The following HELLS variants were observed in gnomAD, a reference collection of about 807,000 sequenced individuals.
The protein encoded by HELLS is helicase, lymphoid specific, also known as lymphoid-specific helicase.
A neutral mutation model predicts 120.0 loss-of-function variants in HELLS; 32 were observed. The observed-to-expected ratio is 0.27, with a 90% CI of 0.20 to 0.36. The LOEUF is 0.36. HELLS is among the 10% of genes least tolerant of loss of function. HELLS has a pLI of 1.00. For missense variants in HELLS, 650 were observed against 993.4 expected, an observed-to-expected ratio of 0.65 and a Z score of 4.65; for synonymous variants, 341 against 323.4, an observed-to-expected ratio of 1.05 and a Z score of -0.58.
intron 10 of HELLS, among the ~76,000 whole-genome samples, chr10:94,580,152 T>C: frequency 2.0e-5 from 1 of 51,188 alleles, no homozygotes; most frequent in East Asian, 4.7e-4. Context: ...TATATATATA[T>C]ATATATATAT....
chr10:94,574,466 G>A (rs1038112828), intron 8 of HELLS, 88 bp from the exon 9 acceptor site: 5 of 1,011,862 alleles, frequency 4.9e-6, no homozygotes, highest in South Asian at 4.6e-5. Context: ...ATCTTTGGGT[G>A]TGATTTTTTA....
chr10:94,583,671 T>G (rs1269256189), intron 12 of HELLS, among the ~76,000 whole-genome samples: 1 of 152,172 alleles, frequency 6.6e-6, no homozygotes, highest in African/African-American at 2.4e-5. Flanking sequence ...GATTATGTTG[T>G]GTTATATGAC....
chr10:94,567,851 G>T (rs546424001), intron 6 of HELLS, among the ~76,000 whole-genome samples: 4 of 151,924 alleles, frequency 2.6e-5, no homozygotes, highest in African/African-American at 9.7e-5. Flanking sequence ...GAAGGCTGCA[G>T]TGAGGTGAGA....
intron 19 of HELLS, 84 bp downstream of exon 19, chr10:94,594,938 T>A: frequency 9.3e-7 from 1 of 1,069,736 alleles, no homozygotes; most frequent in Non-Finnish European, 1.3e-6. Flanking sequence ...TTATAAAATA[T>A]TACAGCCTGG....
chr10:94,552,363 A>G (rs1843025961), intron 2 of HELLS, among the ~76,000 whole-genome samples: 1 of 152,248 alleles, frequency 6.6e-6, no homozygotes, highest in Admixed American at 6.5e-5. Context: ...TGCTTAAAGC[A>G]GGAACTTCTA....
intron 10 of HELLS, 24 bp from the exon 11 acceptor site, chr10:94,581,302 C>T: frequency 7.0e-7 from 1 of 1,420,644 alleles, no homozygotes; most frequent in Non-Finnish European, 9.5e-7. Context: ...GTTTAAAAAT[C>T]TTTTTCCTCA....
intron 10 of HELLS, among the ~76,000 whole-genome samples, chr10:94,579,448 G>A (rs989753820): frequency 1.3e-5 from 2 of 151,746 alleles, no homozygotes; most frequent in Non-Finnish European, 2.9e-5. Flanking sequence ...TGATCCGCCC[G>A]CCTCAGCCTC....
At chr10:94,584,065 T>C in intron 12 of HELLS, 1 of 1,369,638 alleles carries the variant, frequency 7.3e-7, no homozygotes, top group Non-Finnish European at 9.9e-7. Context: ...CCAGAAAAGA[T>C]TTATATGATA....
chr10:94,590,881 C>T, intron 15 of HELLS, 105 bp downstream of exon 15: 1 of 615,186 alleles, frequency 1.6e-6, no homozygotes, highest in Non-Finnish European at 2.6e-6. Flanking sequence ...AAGTATGGTG[C>T]TATTTGTCAT....
At chr10:94,575,767 GTGTTTGTGTGT>G (rs1844429663) in intron 9 of HELLS, among the ~76,000 whole-genome samples, 1 of 95,400 alleles carries the variant, frequency 1.0e-5, no homozygotes, top group African/African-American at 4.2e-5. Flanking sequence ...GGGGGGGGTT[GTGTTTGTGTGT>G]GTGTGTGTGT....
chr10:94,608,393 A>G (rs1161707248), intron 9 of HELLS, among the ~76,000 whole-genome samples: 3 of 152,154 alleles, frequency 2.0e-5, no homozygotes, highest in East Asian at 3.9e-4. Flanking sequence ...AAATTCTTCT[A>G]TATCCTTCAC....
downstream of HELLS, among the ~76,000 whole-genome samples, chr10:94,604,783 G>A (rs959493702): frequency 2.6e-5 from 4 of 151,632 alleles, no homozygotes; most frequent in Admixed American, 2.6e-4. Flanking sequence ...TTTCATTCTT[G>A]TGCAGCTTTT....
chr10:94,582,636 G>A lies in HELLS; in HGVS notation c.1230-327G>A, dbSNP rs1445237643. On this transcript the variant is annotated intron_variant, in intron 11 of 21. Coordinates refer to ENST00000348459, the MANE Select transcript of HELLS (RefSeq NM_018063.5). ...CATATGGCTTTGGTTTTCAGAGATA[G>A]TTCTCACTTTTGTAATGTAAAATTA... Among the ~76,000 whole-genome samples the A allele has an allele frequency of 2.0e-5, 3 of 152,144 alleles. No individual in the cohort carries two copies. The South Asian group carries it at 6.2e-4, about 32-fold the overall frequency.
At chr10:94,561,434 C>T (rs1269498098) in intron 4 of HELLS, among the ~76,000 whole-genome samples, 1 of 151,828 alleles carries the variant, frequency 6.6e-6, no homozygotes, top group Non-Finnish European at 1.5e-5. Context: ...TTTTTTTCCC[C>T]TCTGCTTTTT....
intron 9 of HELLS, among the ~76,000 whole-genome samples, chr10:94,576,453 G>T (rs1188830988): frequency 6.6e-6 from 1 of 151,942 alleles, no homozygotes; most frequent in Non-Finnish European, 1.5e-5. Context: ...TGCTGGGCCT[G>T]ACTTTGTTTT....
At chr10:94,575,866 C>T (rs951580521) in intron 9 of HELLS, among the ~76,000 whole-genome samples, 6 of 150,452 alleles carry the variant, frequency 4.0e-5, no homozygotes, top group African/African-American at 7.4e-5. Context: ...GGCACGATCT[C>T]GGCTCAGTGC....
chr10:94,610,764 T>C (rs2134146622), exon 10 of HELLS: 1 of 152,216 alleles, frequency 6.6e-6, no homozygotes, highest in Middle Eastern at 3.4e-3. Context: ...TTTTTGTATT[T>C]TAATTAGTAG....
At chr10:94,586,790 C>G (rs1035695182) in intron 12 of HELLS, among the ~76,000 whole-genome samples, 1 of 152,020 alleles carries the variant, frequency 6.6e-6, no homozygotes, top group East Asian at 1.9e-4. Context: ...CTCCCAAGTT[C>G]AAGCCATTCT....
Position 94,597,095 on chromosome 10 carries a change from T to G in HELLS, c.2406T>G (p.Asp802Glu). 6.3e-7 allele frequency: 1 copy of G among 1,589,460 alleles called. No homozygotes were observed. The highest frequency in any genetic ancestry group is 2.2e-5 in the East Asian group (1 of 44,610). Residue 802 changes from aspartate to glutamate, a missense_variant, in exon 21 of 22, where the codon GAT becomes GAG. Transcript: ENST00000348459. ...ATAAAGATCTAGAGTTGTTGTTAGA[T>G]CGAAGTGATCTTATTGGTAAGTATT... Reference protein sequence around the residue: ...ISDKDLELLLDRSDLIDQMNA... With the variant: ...ISDKDLELLLERSDLIDQMNA...
Sources: gnomAD v4.1 joint callset for allele counts (sites outside exome capture counted in the v4.1 genomes callset) on GRCh38, gnomAD v4.1.1 for gene constraint, MANE v1.5 for transcripts, NCBI Gene and HGNC (gene_info 2026-07-23, HGNC 2026-07-21) for gene names.